AIRE: variants seen among roughly 807,000 people sequenced by gnomAD.
AIRE encodes autoimmune regulator, also known as autoimmune polyendocrinopathy candidiasis ectodermal dystrophy protein.
AIRE carries 52 observed loss-of-function variants against 62.1 expected under a neutral mutation model. The observed-to-expected ratio is 0.84, with a 90% CI of 0.67 to 1.06. The LOEUF is 1.06. AIRE is among the 50% of genes least tolerant of loss of function. AIRE has a pLI of 0.00. For missense variants in AIRE, 774 were observed against 755.8 expected, an observed-to-expected ratio of 1.02 and a Z score of -0.28; for synonymous variants, 342 against 321.6, an observed-to-expected ratio of 1.06 and a Z score of -0.68.
At position 44,287,525 on chromosome 21, in the gene AIRE, C is replaced by A; in HGVS notation, c.472C>A (p.Leu158Met). Residue 158 changes from leucine (L) to methionine (M), a missense_variant, in exon 4 of 14, where the codon CTG (leucine) becomes ATG (methionine). By Grantham distance (15) the Leu-to-Met change is conservative. Coordinates refer to ENST00000291582, the MANE Select transcript of AIRE (RefSeq NM_000383.4). The surrounding 1 kb of genome is among the most constrained non-coding windows in gnomAD (Gnocchi z 4.3). ...PRGTASPGSQ[L>M]KAKPPKKPES... ...CCAGCTCCCCCATTCAGGCTCTCAA[C>A]TGAAGGCCAAGCCCCCCAAGAAGCC... 1 of 1,555,230 alleles carries A rather than the reference C, an allele frequency of 6.4e-7. No homozygotes were observed. Among genetic ancestry groups the A allele is most frequent in the Non-Finnish European group, 8.7e-7 (1 of 1,149,552 alleles).
Position 44,288,402 on chromosome 21 carries a change from T to C in AIRE, c.596T>C (p.Val199Ala). 6.2e-7 allele frequency: 1 copy of C among 1,612,784 alleles called. No homozygotes were observed. The highest frequency in any genetic ancestry group is 2.2e-5 in the East Asian group (1 of 44,882). ...GCTGTGGCCATGTCCTCCGGGGACG[T>C]CCCGGGAGCCCGAGGGGCCGTGGAG... ...QRAVAMSSGD[V>A]PGARGAVEGI... The change falls in exon 5 of 14, where the codon GTC (valine) becomes GCC (alanine). Residue 199 changes from valine to alanine, a missense_variant. This residue lies in a region of AIRE where 385 missense variants were observed against 396.0 expected (regional missense o/e 0.97). Transcript: ENST00000291582.
At chr21:44,289,402 AG>A in intron 5 of AIRE, 1 of 551,732 alleles carries the variant, frequency 1.8e-6, no homozygotes, top group Non-Finnish European at 3.3e-6. Context: ...ACATCTACAA[AG>A]ACCCTGATTT....
At chr21:44,288,227 C>A in intron 4 of AIRE, 118 bp from the exon 5 acceptor site, 2 of 859,534 alleles carry the variant, frequency 2.3e-6, no homozygotes, top group Non-Finnish European at 2.0e-6. Flanking sequence ...CCCTCCTTGG[C>A]CTGCCCTGGC....
rs962182659 is a variant in AIRE at position 44,287,711 on chromosome 21, T to C, written c.538+120T>C. 4 of 1,086,180 alleles carry C rather than the reference T, an allele frequency of 3.7e-6. No homozygotes were observed. The highest frequency in any genetic ancestry group is 2.0e-5 in the Admixed American group (1 of 49,514). 67.3% of individuals were successfully genotyped at this position (1,086,180 alleles called of 1,614,324 possible). ...AGGGGCTGGGGACGTGCTGGCCTGG[T>C]GTGTCATTCCAAGGGCCTAAGCTGC... is the stretch of plus-strand genomic sequence containing the variant. On this transcript the variant is annotated intron_variant, in intron 4 of 13. Transcript: ENST00000291582. The surrounding 1 kb of genome is among the most constrained non-coding windows in gnomAD (Gnocchi z 4.3).
intron 8 of AIRE, among the ~76,000 whole-genome samples, chr21:44,291,710 C>A (rs991584808): frequency 1.3e-5 from 2 of 152,146 alleles, no homozygotes; most frequent in Non-Finnish European, 2.9e-5. Context: ...CACGGCCCAC[C>A]GAGCCCTGCC....
intron 10 of AIRE, 40 bp from the exon 11 acceptor site, chr21:44,293,749 C>T: frequency 6.3e-7 from 1 of 1,594,844 alleles, no homozygotes; most frequent in Non-Finnish European, 8.5e-7. Flanking sequence ...CTACATTTCC[C>T]CCGGCCCCCC....
At chr21:44,293,394 C>G (rs147924524) in intron 10 of AIRE, among the ~76,000 whole-genome samples, 5 of 152,172 alleles carry the variant, frequency 3.3e-5, no homozygotes, top group South Asian at 4.1e-4. Context: ...CTGCTCCCCC[C>G]ACAAGGCAGG....
In AIRE at chr21:44,293,017, G is replaced by A. The variant is rs753097871; in HGVS notation, c.1120G>A (p.Gly374Arg). 1 of 1,612,544 alleles carries A rather than the reference G, an allele frequency of 6.2e-7. No homozygotes were observed. The highest frequency in any genetic ancestry group is 1.1e-5 in the South Asian group (1 of 91,082). Residue 374 changes from glycine to arginine, a missense_variant, in exon 10 of 14, where the codon GGA becomes AGA. This residue lies in a region of AIRE where 354 missense variants were observed against 296.1 expected (regional missense o/e 1.20). Coordinates refer to ENST00000291582, the MANE Select transcript of AIRE (RefSeq NM_000383.4). ...TPLPPGLRSA[G>R]EEVRGPPGEP... ...GCTCCCCCCGGGGCTTAGGTCGGCG[G>A]GAGAGGAGGTAAGAGGTCCACCTGG...
intron 8 of AIRE, 132 bp downstream of exon 8, chr21:44,291,342 G>A: frequency 1.4e-6 from 2 of 1,409,762 alleles, no homozygotes; most frequent in South Asian, 1.2e-5. Flanking sequence ...CAGGTCACTG[G>A]GCCGTGGGGC....
At position 44,287,602 on chromosome 21, in the gene AIRE, C is replaced by A; in HGVS notation, c.538+11C>A. ...TTCCACTCGGGAACGGTGAGCGGGG[C>A]CCAGTGGGAGCGCCTCCCTTCTCCC... On this transcript the variant is annotated intron_variant, in intron 4 of 13. Transcript: ENST00000291582. The surrounding 1 kb of genome is among the most constrained non-coding windows in gnomAD (Gnocchi z 4.3). 1 of 1,551,662 alleles carries A rather than the reference C, an allele frequency of 6.4e-7. No homozygotes were observed. Among genetic ancestry groups the A allele is most frequent in the Non-Finnish European group, 8.7e-7 (1 of 1,147,498 alleles).
At chr21:44,292,796 A>G (rs1033829660) in intron 9 of AIRE, among the ~76,000 whole-genome samples, 197 bp from the exon 10 acceptor site, 2 of 151,968 alleles carry the variant, frequency 1.3e-5, no homozygotes, top group Non-Finnish European at 2.9e-5. Context: ...AGGAGGGAGG[A>G]CCACAGAGCC....
chr21:44,293,506 C>G (rs192353669), intron 10 of AIRE, among the ~76,000 whole-genome samples: 3 of 152,000 alleles, frequency 2.0e-5, no homozygotes, highest in African/African-American at 7.3e-5. Flanking sequence ...AGGAGACTCC[C>G]GCACTCAGCC....
intron 12 of AIRE, among the ~76,000 whole-genome samples, chr21:44,295,566 G>T (rs963755375): frequency 1.3e-5 from 2 of 152,196 alleles, no homozygotes; most frequent in Non-Finnish European, 2.9e-5. Flanking sequence ...TCCCGCAGCG[G>T]GTACCTCGTC....
chr21:44,296,558 G>A (rs1253224043), intron 13 of AIRE, 113 bp downstream of exon 13: 15 of 1,068,056 alleles, frequency 1.4e-5, no homozygotes, highest in East Asian at 4.9e-5. Context: ...CTCTTGAGCC[G>A]TGGAAACTCA....
Position 44,286,070 on chromosome 21 carries a change from G to C in AIRE, c.64G>C (p.Val22Leu). Residue 22 changes from valine (V) to leucine (L), a missense_variant, in exon 1 of 14, where the codon GTG becomes CTG. Physicochemically the swap from Val to Leu is conservative, Grantham distance 32. This residue lies in a region of AIRE where 385 missense variants were observed against 396.0 expected (regional missense o/e 0.97). Transcript: ENST00000291582. This position sits in a 1 kb window ranked among gnomAD's most constrained non-coding sequence, Gnocchi z 6.0. ...GCACCGCACGGAGATCGCGGTGGCCGTGGACAGCGCCTTCCCACTGCTGCA... is the reference window on the plus strand; with the variant it reads ...GCACCGCACGGAGATCGCGGTGGCCCTGGACAGCGCCTTCCCACTGCTGCA... ...RLHRTEIAVAVDSAFPLLHAL... is the reference protein window; with the variant it reads ...RLHRTEIAVALDSAFPLLHAL... The C allele has an allele frequency of 6.5e-7, 1 of 1,543,244 alleles. No homozygotes were observed. The highest frequency in any genetic ancestry group is 1.2e-5 in the South Asian group (1 of 83,994).
Position 44,297,261 on chromosome 21 carries a change from T to A in AIRE, c.1567-395T>A, listed in dbSNP as rs2040619507. Among the ~76,000 whole-genome samples the A allele has an allele frequency of 6.6e-6, 1 of 152,178 alleles. No homozygotes were observed. Among genetic ancestry groups the A allele is most frequent in the South Asian group, 2.1e-4 (1 of 4,834 alleles). On this transcript the variant is annotated intron_variant, in intron 13 of 13. Transcript: ENST00000291582. This position sits in a 1 kb window ranked among gnomAD's most constrained non-coding sequence, Gnocchi z 4.8. ...TGGCATCGTGGGGCCCGTGGCCCCA[T>A]CCTGTGGGAGCATCAGGCTCCTGAG...
Position 44,290,008 on chromosome 21 carries a change from G to A in AIRE, c.819G>A (p.Leu273=). Residue 273 remains leucine, a synonymous_variant, in exon 7 of 14, where the codon CTG becomes CTA. Coordinates refer to ENST00000291582, the MANE Select transcript of AIRE (RefSeq NM_000383.4). The stretch of plus-strand genomic sequence containing the variant: ...TGCAGGGTGGAGGTGAGGCTAGGCT[G>A]GGCCAGCAGGGCAGCGTTCCCGCCC... ...GAAPGGGEAR[L]GQQGSVPAPL... 1 of 1,610,848 alleles carries A rather than the reference G, an allele frequency of 6.2e-7. No homozygotes were observed. Among genetic ancestry groups the A allele is most frequent in the Non-Finnish European group, 8.5e-7 (1 of 1,179,386 alleles).
At chr21:44,292,553 A>C (rs1017672150) in intron 9 of AIRE, 152 bp downstream of exon 9, 2 of 630,248 alleles carry the variant, frequency 3.2e-6, no homozygotes, top group East Asian at 5.5e-5. Context: ...CCCATGCCCA[A>C]GCCCGGTCCT....
Position 44,294,418 on chromosome 21 carries a change from G to C in AIRE, c.1418G>C (p.Arg473Thr), listed in dbSNP as rs750662701. The C allele has an allele frequency of 3.8e-6, 6 of 1,578,968 alleles. No homozygotes were observed. Among genetic ancestry groups the C allele is most frequent in the South Asian group, 1.1e-5 (1 of 87,346 alleles). Residue 473 changes from arginine to threonine, a missense_variant, in exon 12 of 14, where the codon AGA becomes ACA. Arg to Thr is a moderately conservative substitution (Grantham distance 71). Coordinates refer to ENST00000291582, the MANE Select transcript of AIRE (RefSeq NM_000383.4). ...TSRPGTGLRC[R>T]SCSGDVTPAP... is the part of the protein sequence containing the mutation. ...TGCTGCAGGACGGGCCTGCGCTGCA[G>C]ATCCTGCTCAGGAGACGTGACCCCA...
Sources: gnomAD v4.1 joint callset for allele counts (sites outside exome capture counted in the v4.1 genomes callset) on GRCh38, gnomAD v4.1.1 for gene constraint, gnomAD v4.1.1 regional missense constraint, Gnocchi (gnomAD v3.1) non-coding constraint, MANE v1.5 for transcripts, NCBI Gene and HGNC (gene_info 2026-07-23, HGNC 2026-07-21) for gene names.